The following UNC5C variants were observed in gnomAD, a reference collection of about 807,000 sequenced individuals.
UNC5C encodes unc-5 netrin receptor C.
A neutral mutation model predicts 99.8 loss-of-function variants in UNC5C; 47 were observed. The observed-to-expected ratio is 0.47, with a 90% confidence interval of 0.37 to 0.60. The LOEUF (loss-of-function observed/expected upper bound fraction) is 0.60, where lower values mean the gene tolerates loss of function less well. Among genes scored for constraint, UNC5C ranks in the 20% least tolerant of loss-of-function variants. UNC5C has a pLI of 0.00. For missense variants in UNC5C, 1,062 were observed against 1,165.9 expected, an observed-to-expected ratio of 0.91 and a Z score of 1.30; for synonymous variants, 487 against 452.2, an observed-to-expected ratio of 1.08 and a Z score of -0.98.
At chr4:95,459,969 C>T (rs265036) in intron 1 of UNC5C, among the ~76,000 whole-genome samples, 32,417 of 151,998 alleles carry the variant, frequency 0.21, 4,050 homozygotes, top group East Asian at 0.39. Context: ...TTTTAAATGG[C>T]AACAGATTAT....
chr4:95,301,597 A>T lies in UNC5C; in HGVS notation c.490+9T>A. ...TGAGACCCAAGGTGCTTATTGTACA[A>T]TGACTCACATGCAATGCGCACATAC... On this transcript the variant is annotated intron_variant, in intron 3 of 15. Transcript: ENST00000453304. 6.2e-7 allele frequency: 1 copy of T among 1,613,930 alleles called. No individual in the cohort carries two copies. Among genetic ancestry groups the T allele is most frequent in the Non-Finnish European group, 8.5e-7 (1 of 1,179,914 alleles).
chr4:95,319,618 C>T (rs1742605155), intron 2 of UNC5C, among the ~76,000 whole-genome samples: 1 of 152,110 alleles, frequency 6.6e-6, no homozygotes, highest in Non-Finnish European at 1.5e-5. Context: ...ACAGGCTTCC[C>T]CAGGACTGGT....
chr4:95,344,534 A>G (rs1477771020), intron 1 of UNC5C, among the ~76,000 whole-genome samples: 1 of 152,134 alleles, frequency 6.6e-6, no homozygotes. Context: ...AAGTATACGA[A>G]AAACACACAA....
chr4:95,403,145 T>C (rs913048273), intron 1 of UNC5C, among the ~76,000 whole-genome samples: 2 of 151,870 alleles, frequency 1.3e-5, no homozygotes, highest in Admixed American at 6.6e-5. Context: ...GCAATAAAAA[T>C]AAAAAAAGAG....
In UNC5C at chr4:95,335,581, C is replaced by T; in HGVS notation, c.175G>A (p.Glu59Lys). ...TCAATAAGGAAATGTGGCAGAGGCTCAGGTGGATCAGAAGGAAAAGTTTCT... is the reference window on the plus strand; with the variant it reads ...TCAATAAGGAAATGTGGCAGAGGCTTAGGTGGATCAGAAGGAAAAGTTTCT... The part of the protein sequence containing the change: ...LPETFPSDPP[E>K]PLPHFLIEPE... Residue 59 changes from glutamate (E) to lysine (K), a missense_variant, in exon 2 of 16, where the codon GAG (glutamate) becomes AAG (lysine). Coordinates refer to ENST00000453304, the MANE Select transcript of UNC5C (RefSeq NM_003728.4). 2 of 1,611,376 alleles carry T rather than the reference C, an allele frequency of 1.2e-6. No individual in the cohort carries two copies. The highest frequency in any genetic ancestry group is 1.3e-5 in the African/African-American group (1 of 74,886).
chr4:95,246,675 TAATATG>T (rs1464329498), intron 5 of UNC5C, among the ~76,000 whole-genome samples: 1 of 151,742 alleles, frequency 6.6e-6, no homozygotes, highest in Non-Finnish European at 1.5e-5. Context: ...ATACAATACT[TAATATG>T]TATTTATACA....
intron 1 of UNC5C, among the ~76,000 whole-genome samples, chr4:95,439,490 A>G (rs1746888413): frequency 6.6e-6 from 1 of 152,062 alleles, no homozygotes; most frequent in Non-Finnish European, 1.5e-5. Flanking sequence ...AGAGTCACAG[A>G]TATGCTTTTG....
At position 95,166,917 on chromosome 4, in the gene UNC5C, A is replaced by C. The variant is rs1245215231; in HGVS notation, c.*2317T>G. 1 of 151,798 alleles carries C rather than the reference A, an allele frequency of 6.6e-6. No individual in the cohort carries two copies. The highest frequency in any genetic ancestry group is 1.9e-4 in the East Asian group (1 of 5,190). The allele number at this position is 151,798 out of a possible 1,614,324, so 9.4% of individuals were successfully genotyped here. A position where few individuals can be genotyped will look rare whatever the true frequency, so the allele number is the denominator to read the frequency against. On this transcript the variant is annotated 3_prime_UTR_variant, in exon 16 of 16. Transcript: ENST00000453304. ...TTATAGTGCAATCTCTCCCTTCCCC[A>C]GTCAGTGTACAAATATTTTAAATAT... is the stretch of plus-strand genomic sequence containing the variant.
intron 1 of UNC5C, among the ~76,000 whole-genome samples, chr4:95,441,742 T>C (rs771776774): frequency 6.6e-6 from 1 of 152,226 alleles, no homozygotes; most frequent in Non-Finnish European, 1.5e-5. Flanking sequence ...TCATTATCAC[T>C]GTTTTACAGA....
At chr4:95,392,430 ATT>A (rs10608601) in intron 1 of UNC5C, among the ~76,000 whole-genome samples, 32,274 of 108,830 alleles carry the variant, frequency 0.3, 4,112 homozygotes, top group East Asian at 0.65. Flanking sequence ...GTATCAAAAC[ATT>A]TTTTTTTTTT....
intron 1 of UNC5C, among the ~76,000 whole-genome samples, chr4:95,491,807 A>T (rs1171349823): frequency 6.6e-6 from 1 of 151,622 alleles, no homozygotes; most frequent in Non-Finnish European, 1.5e-5. Flanking sequence ...TTCTTGAGTC[A>T]TTTACTGATT....
chr4:95,430,670 T>G (rs77995384), intron 1 of UNC5C, among the ~76,000 whole-genome samples: 2,310 of 152,292 alleles, frequency 0.015, 57 homozygotes, highest in African/African-American at 0.053. Flanking sequence ...ATAAAATATA[T>G]TCACAAAGCC....
chr4:95,343,440 T>G (rs1276370851), intron 1 of UNC5C, among the ~76,000 whole-genome samples: 1 of 152,090 alleles, frequency 6.6e-6, no homozygotes, highest in Non-Finnish European at 1.5e-5. Flanking sequence ...TCTGCAAAAG[T>G]CATAGTGTTA....
chr4:95,202,879 T>G lies in UNC5C; in HGVS notation c.1988A>C (p.Asn663Thr). The change falls in exon 12 of 16, where the codon AAC becomes ACC. Residue 663 changes from asparagine to threonine, a missense_variant. By Grantham distance (65) the Asn-to-Thr change is moderately conservative (BLOSUM62 0). Coordinates refer to ENST00000453304, the MANE Select transcript of UNC5C (RefSeq NM_003728.4). ...TCCTACCAGGGCGTAGGTGCTGAGG[T>G]TCTCTGTGAGGATGTGGCAGGCCTC... ...DAEACHILTE[N>T]LSTYALVGHS... The G allele has an allele frequency of 1.2e-6, 2 of 1,614,126 alleles. No individual in the cohort carries two copies. The highest frequency in any genetic ancestry group is 1.7e-6 in the Non-Finnish European group (2 of 1,180,014).
chr4:95,524,132 G>A (rs1722436465), intron 1 of UNC5C, among the ~76,000 whole-genome samples: 1 of 152,138 alleles, frequency 6.6e-6, no homozygotes. Context: ...TAGATTTTTG[G>A]TAGCTTTAAT....
chr4:95,405,057 T>A (rs1236826372), intron 1 of UNC5C, among the ~76,000 whole-genome samples: 1 of 152,200 alleles, frequency 6.6e-6, no homozygotes, highest in Non-Finnish European at 1.5e-5. Flanking sequence ...GCATTCATTC[T>A]TCGAGTGTGT....
At chr4:95,305,473 G>T (rs996196903) in intron 2 of UNC5C, among the ~76,000 whole-genome samples, 8 of 152,116 alleles carry the variant, frequency 5.3e-5, no homozygotes, top group African/African-American at 1.9e-4. Flanking sequence ...AATTTGAAAT[G>T]CCATCAGCAT....
intron 3 of UNC5C, among the ~76,000 whole-genome samples, chr4:95,293,910 C>G (rs188602287): frequency 6.6e-6 from 1 of 152,136 alleles, no homozygotes; most frequent in African/African-American, 2.4e-5. Flanking sequence ...AACAGCACTT[C>G]CATTATTATC....
intron 1 of UNC5C, among the ~76,000 whole-genome samples, chr4:95,400,095 A>T (rs1021497285): frequency 1.3e-5 from 2 of 152,236 alleles, no homozygotes; most frequent in African/African-American, 4.8e-5. Flanking sequence ...AGTGGACAAC[A>T]TTGTCACGGT....
Sources: allele counts gnomAD v4.1 joint callset (sites outside exome capture counted in the v4.1 genomes callset), GRCh38; gene constraint gnomAD v4.1.1; transcripts MANE v1.5; gene names NCBI Gene and HGNC (gene_info 2026-07-23, HGNC 2026-07-21).